The following ZBED6 variants were observed in gnomAD, a reference collection of about 807,000 sequenced individuals.
ZBED6 encodes zinc finger BED domain-containing protein 6.
In ZBED6, 40 loss-of-function variants were observed where a neutral mutation model predicts 58.4. The observed-to-expected ratio is 0.68, with a 90% CI of 0.53 to 0.89. ZBED6 has a LOEUF of 0.89. ZBED6 is among the 40% of genes least tolerant of loss of function. ZBED6 has a pLI of 0.00. For missense variants in ZBED6, 1,057 were observed against 1,003.9 expected, an observed-to-expected ratio of 1.05 and a Z score of -0.71; for synonymous variants, 439 against 350.6, an observed-to-expected ratio of 1.25 and a Z score of -2.82.
rs1683326655 is a variant in ZBED6, at chr1:203,833,886, C to T, written c.*3573+33C>T. The stretch of plus-strand genomic sequence containing the variant: ...AAGTTTTGTGTATATCTTTTCTTTT[C>T]TACTTGTTTGTGCATTAACATGATA... On this transcript the variant is annotated intron_variant, in intron 9 of 16. Coordinates refer to ENST00000550078, the Ensembl canonical transcript of ZBED6. 2.5e-6 allele frequency: 4 copies of T among 1,588,562 alleles called. No individual in the cohort carries two copies. In the South Asian group the frequency reaches 4.6e-5, roughly 18 times the overall value.
rs542524332 is a variant in ZBED6 at position 203,828,171 on chromosome 1, A to G, written c.*2874-128A>G. The G allele has an allele frequency of 1.7e-3, 1,765 of 1,058,776 alleles. 34 individuals carry two copies. In the South Asian group the frequency reaches 0.027, roughly 16 times the overall value. 65.6% of individuals were successfully genotyped at this position (1,058,776 alleles called of 1,614,324 possible). On this transcript the variant is annotated intron_variant, in intron 3 of 16. Coordinates refer to ENST00000550078, the Ensembl canonical transcript of ZBED6. ...ATTTTCAGCAATCTCTCTTCCTTCTAAAAATCATCTCATCTCACATGCCTC... is the reference window on the plus strand; with the variant it reads ...ATTTTCAGCAATCTCTCTTCCTTCTGAAAATCATCTCATCTCACATGCCTC...
chr1:203,814,484 A>G, intron 1 of ZBED6, among the ~76,000 whole-genome samples: 1 of 152,146 alleles, frequency 6.6e-6, no homozygotes. Flanking sequence ...AGATGGCACC[A>G]TTGCATTCCA....
chr1:203,816,778 A>T (rs1006492932), intron 1 of ZBED6, 148 bp from the exon 2 acceptor site: 1 of 291,756 alleles, frequency 3.4e-6, no homozygotes, highest in African/African-American at 2.2e-5. Flanking sequence ...AATGTACAGT[A>T]TTCGCAATCA....
chr1:203,815,180 C>G (rs924070922), intron 1 of ZBED6, among the ~76,000 whole-genome samples: 5 of 137,732 alleles, frequency 3.6e-5, no homozygotes, highest in Non-Finnish European at 6.3e-5. Flanking sequence ...AGTTAGGTTT[C>G]TAGATGTTAT....
In ZBED6 at chr1:203,850,344, AGTGACCACCAT is replaced by A. The variant is rs199869328; in HGVS notation, c.*4639-162_*4639-152del. ...TTGTATCTACATGGTGACCACCTGT[AGTGACCACCAT>A]GTGACCACAAATTGCCTTTGAATCG... On this transcript the variant is annotated intron_variant, in intron 14 of 16. Transcript: ENST00000550078. The A allele has an allele frequency of 1.2e-3, 1,057 of 917,290 alleles. 8 individuals are homozygous for A. In the African/African-American group the frequency reaches 0.015, roughly 13 times the overall value. 56.8% of individuals were successfully genotyped at this position (917,290 alleles called of 1,614,324 possible).
At chr1:203,826,484 C>G (rs1680578004) in intron 3 of ZBED6, among the ~76,000 whole-genome samples, 1 of 151,924 alleles carries the variant, frequency 6.6e-6, no homozygotes, top group African/African-American at 2.4e-5. Flanking sequence ...GCCAAATCAC[C>G]TTTCAGAGAT....
At chr1:203,820,043 T>TTCGA (rs1677989712) in intron 3 of ZBED6, among the ~76,000 whole-genome samples, 1 of 150,440 alleles carries the variant, frequency 6.6e-6, no homozygotes, top group East Asian at 2.0e-4. Context: ...GAGACCAGCC[T>TTCGA]GACCAACATG....
chr1:203,803,480 C>T (rs771874451), intron 1 of ZBED6, among the ~76,000 whole-genome samples: 19 of 152,178 alleles, frequency 1.2e-4, no homozygotes, highest in African/African-American at 2.7e-4. Flanking sequence ...CATGAGCCAC[C>T]GCCTCTGGCC....
chr1:203,799,071 C>T (rs1321754851), exon 1 of ZBED6: 19 of 1,536,080 alleles, frequency 1.2e-5, no homozygotes, highest in Non-Finnish European at 1.5e-5. Context: ...TGGCAGGATC[C>T]CCGATTTTAG....
chr1:203,839,085 T>C (rs1416820480), intron 10 of ZBED6, among the ~76,000 whole-genome samples: 1 of 151,770 alleles, frequency 6.6e-6, no homozygotes, highest in African/African-American at 2.4e-5. Context: ...CATGCTGGCG[T>C]GGAGATGAGT....
At chr1:203,809,172 G>GTTTTTT (rs33926996) in intron 1 of ZBED6, among the ~76,000 whole-genome samples, 27 of 83,260 alleles carry the variant, frequency 3.2e-4, no homozygotes, top group East Asian at 2.0e-3. Context: ...TCTTCTCACT[G>GTTTTTT]TTTTTTTTTT....
intron 3 of ZBED6, among the ~76,000 whole-genome samples, chr1:203,822,553 G>A (rs1427736053): frequency 6.6e-6 from 1 of 151,988 alleles, no homozygotes; most frequent in Non-Finnish European, 1.5e-5. Flanking sequence ...CTCTGTACCA[G>A]GTTCCCTTGG....
In ZBED6 at chr1:203,818,558, A is replaced by G. The variant is rs371848632; in HGVS notation, c.*2754-12A>G. 55 of 1,613,608 alleles carry G rather than the reference A, an allele frequency of 3.4e-5. No individual in the cohort carries two copies. Among genetic ancestry groups the G allele is most frequent in the Non-Finnish European group, 4.3e-5 (51 of 1,179,876 alleles). ...CAATGCTACAAATAGAGTGTTCTCT[A>G]TTTGTTTACAGGGTGACAGCTGCCC... On this transcript the variant is annotated splice_polypyrimidine_tract_variant and intron_variant, in intron 2 of 16. Coordinates refer to ENST00000550078, the Ensembl canonical transcript of ZBED6.
At chr1:203,806,637 A>C (rs545024051) in intron 1 of ZBED6, among the ~76,000 whole-genome samples, 4 of 152,270 alleles carry the variant, frequency 2.6e-5, no homozygotes, top group Non-Finnish European at 5.9e-5. Context: ...ATACTAGAAC[A>C]TCTGGAACAG....
chr1:203,839,647 A>G (rs1685470158), intron 10 of ZBED6, among the ~76,000 whole-genome samples: 1 of 152,184 alleles, frequency 6.6e-6, no homozygotes, highest in African/African-American at 2.4e-5. Context: ...ACCATGTTGA[A>G]GATTTTCATA....
intron 11 of ZBED6, among the ~76,000 whole-genome samples, chr1:203,843,030 TC>T (rs1301806548): frequency 3.3e-5 from 5 of 152,024 alleles, no homozygotes; most frequent in African/African-American, 1.2e-4. Flanking sequence ...TTACTTTTTA[TC>T]CCCCATCCTT....
chr1:203,828,457 A>G (rs1204894628), intron 4 of ZBED6, 35 bp downstream of exon 4: 2 of 1,570,424 alleles, frequency 1.3e-6, no homozygotes, highest in African/African-American at 1.4e-5. Flanking sequence ...AGAATATCAA[A>G]TGAACACCTA....
chr1:203,800,345 G>C (rs145114023), exon 1 of ZBED6: 9 of 898,154 alleles, frequency 1.0e-5, no homozygotes, highest in Non-Finnish European at 1.4e-5. Context: ...TAGAACAACT[G>C]ATGTTTCTGA....
intron 3 of ZBED6, among the ~76,000 whole-genome samples, chr1:203,822,426 T>A (rs1679084687): frequency 6.6e-6 from 1 of 151,956 alleles, no homozygotes; most frequent in Non-Finnish European, 1.5e-5. Context: ...ATCCTACTTT[T>A]GACCCCCAAC....
Sources: allele counts gnomAD v4.1 joint callset (sites outside exome capture counted in the v4.1 genomes callset), GRCh38; gene constraint gnomAD v4.1.1; transcripts MANE v1.5; gene names NCBI Gene and HGNC (gene_info 2026-07-23, HGNC 2026-07-21).